WDR33: variants seen among roughly 807,000 people sequenced by gnomAD.
WDR33 encodes pre-mRNA 3' end processing protein WDR33.
WDR33 carries 47 observed loss-of-function variants against 164.9 expected under a neutral mutation model. The ratio of observed to expected loss-of-function variants is 0.29; its 90% CI spans 0.23 to 0.36. The LOEUF is 0.36. WDR33 is among the 10% of genes least tolerant of loss of function. The pLI is 1.00. For missense variants in WDR33, 1,137 were observed against 1,754.1 expected, an observed-to-expected ratio of 0.65 and a Z score of 6.28; for synonymous variants, 505 against 589.0, an observed-to-expected ratio of 0.86 and a Z score of 2.06.
intron 1 of WDR33, among the ~76,000 whole-genome samples, chr2:127,801,402 C>G (rs1371447638): frequency 6.6e-6 from 1 of 152,028 alleles, no homozygotes; most frequent in Non-Finnish European, 1.5e-5. Flanking sequence ...TGGCTCACAC[C>G]TGTAATCCTA....
rs532070686 is a variant in WDR33, at chr2:127,724,892, A to G, written c.1080T>C (p.His360=). The G allele has an allele frequency of 2.0e-5, 33 of 1,614,202 alleles. No homozygotes were observed. Among genetic ancestry groups the G allele is most frequent in the Non-Finnish European group, 2.8e-5 (33 of 1,180,024 alleles). Reference sequence around the variant, plus strand: ...TTCACATAAATCTTACATACCCAACATGCCAGAATAACAAAGAACCATCAG... The same window carrying G: ...TTCACATAAATCTTACATACCCAACGTGCCAGAATAACAAAGAACCATCAG... ...GGSDGSLLFW[H]VGVEKEVGGM... is the part of the protein sequence containing the mutation. The change falls in exon 10 of 22, where the codon CAT becomes CAC. Residue 360 remains histidine (H), a synonymous_variant. Coordinates refer to ENST00000322313, the MANE Select transcript of WDR33 (RefSeq NM_018383.5). This position sits in a 1 kb window ranked among gnomAD's most constrained non-coding sequence, Gnocchi z 4.8.
chr2:127,715,682 C>T (rs1051900747), intron 17 of WDR33, among the ~76,000 whole-genome samples: 1 of 152,188 alleles, frequency 6.6e-6, no homozygotes, highest in African/African-American at 2.4e-5. Context: ...TCAGACACAG[C>T]AGACCTTTGG....
chr2:127,764,591 G>A lies in WDR33; in HGVS notation c.626+237C>T, dbSNP rs1489100244. 2 of 1,551,948 alleles carry A rather than the reference G, an allele frequency of 1.3e-6. No homozygotes were observed. The highest frequency in any genetic ancestry group is 1.7e-6 in the Non-Finnish European group (2 of 1,147,122). ...TGAAAAGAGAAAACCAGTGCAAAAT[G>A]CGGCAGACAGTACATCTCTAACATA... On this transcript the variant is annotated intron_variant, in intron 6 of 21. Transcript: ENST00000322313. This position sits in a 1 kb window ranked among gnomAD's most constrained non-coding sequence, Gnocchi z 6.2.
intron 7 of WDR33, among the ~76,000 whole-genome samples, chr2:127,729,010 A>AATT (rs1686637649): frequency 6.6e-6 from 1 of 152,212 alleles, no homozygotes. Flanking sequence ...TGTTCTCTAA[A>AATT]ATTTATTAAA....
rs1553473221 is a variant in WDR33 at position 127,731,317 on chromosome 2, A to AAAC, written c.725-4541_725-4540insGTT. On this transcript the variant is annotated intron_variant, in intron 7 of 21. Coordinates refer to ENST00000322313, the MANE Select transcript of WDR33 (RefSeq NM_018383.5). ...CTCAAAAAAAAAAAAAAAAAAAAAA[A>AAAC]ACACAGAAAAGCAAAAATTAAATTT... Among the ~76,000 whole-genome samples, 994 of 143,560 alleles carry AAAC rather than the reference A, an allele frequency of 6.9e-3. 23 individuals are homozygous for AAAC. The highest frequency in any genetic ancestry group is 0.026 in the African/African-American group (962 of 36,486). 94.2% of individuals were successfully genotyped at this position (143,560 alleles called of 152,430 possible).
chr2:127,718,477 T>C lies in WDR33; in HGVS notation c.2760+788A>G, dbSNP rs1686348684. Reference sequence around the variant, plus strand: ...GCAGTATTACATCTATTTATGCTCATGCAATTCTTTTCGTAATTCACTCCC... The same window carrying C: ...GCAGTATTACATCTATTTATGCTCACGCAATTCTTTTCGTAATTCACTCCC... On this transcript the variant is annotated intron_variant, in intron 16 of 21. Coordinates refer to ENST00000322313, the MANE Select transcript of WDR33 (RefSeq NM_018383.5). The surrounding 1 kb of genome is among the most constrained non-coding windows in gnomAD (Gnocchi z 4.4). Among the ~76,000 whole-genome samples the C allele has an allele frequency of 1.3e-5, 2 of 152,158 alleles. No homozygotes were observed. Among genetic ancestry groups the C allele is most frequent in the African/African-American group, 4.8e-5 (2 of 41,428 alleles).
chr2:127,772,869 T>C (rs955394028), intron 1 of WDR33, among the ~76,000 whole-genome samples: 1 of 151,016 alleles, frequency 6.6e-6, no homozygotes, highest in East Asian at 1.9e-4. Flanking sequence ...ACATCTGTTA[T>C]CCCAGCACTT....
Position 127,722,776 on chromosome 2 carries a change from T to C in WDR33, c.1379-46A>G, listed in dbSNP as rs774808990. The stretch of plus-strand genomic sequence containing the variant: ...GGTTTGCCTCTTAAATAAAAGAAAT[T>C]GGCCACTTGATCAATGAACACATTA... On this transcript the variant is annotated intron_variant, in intron 13 of 21. Transcript: ENST00000322313. This position sits in a 1 kb window ranked among gnomAD's most constrained non-coding sequence, Gnocchi z 5.1. 1 of 1,595,088 alleles carries C rather than the reference T, an allele frequency of 6.3e-7. No individual in the cohort carries two copies. Among genetic ancestry groups the C allele is most frequent in the Non-Finnish European group, 8.5e-7 (1 of 1,170,716 alleles).
At chr2:127,790,962 CCT>C (rs763993440) in intron 1 of WDR33, among the ~76,000 whole-genome samples, 73 of 152,030 alleles carry the variant, frequency 4.8e-4, no homozygotes, top group Non-Finnish European at 8.8e-4. Flanking sequence ...TAATATTCCC[CCT>C]CTTTCATTCC....
intron 1 of WDR33, 190 bp downstream of exon 1, chr2:127,810,822 C>G (rs1207402013): frequency 1.3e-5 from 2 of 152,592 alleles, no homozygotes; most frequent in African/African-American, 4.8e-5. Context: ...TGGCCTCCAG[C>G]CTCCAGCCCC....
intron 7 of WDR33, among the ~76,000 whole-genome samples, chr2:127,748,448 C>G (rs926263260): frequency 6.6e-6 from 1 of 152,166 alleles, no homozygotes; most frequent in Non-Finnish European, 1.5e-5. Flanking sequence ...ACAGGGAGGG[C>G]AGCTTTGGAT....
Position 127,763,812 on chromosome 2 carries a change from GA to G in WDR33, c.627-654del. On this transcript the variant is annotated intron_variant, in intron 6 of 21. Coordinates refer to ENST00000322313, the MANE Select transcript of WDR33 (RefSeq NM_018383.5). This position sits in a 1 kb window ranked among gnomAD's most constrained non-coding sequence, Gnocchi z 4.5. ...GAAGGAGTCAGTTTTTCCCAGCAGTGAAAGATCATCAAGTTTCTCAACTAAC... is the reference window on the plus strand; with the variant it reads ...GAAGGAGTCAGTTTTTCCCAGCAGTGAAGATCATCAAGTTTCTCAACTAAC... 4 of 985,602 alleles carry G rather than the reference GA, an allele frequency of 4.1e-6. No individual in the cohort carries two copies. The highest frequency in any genetic ancestry group is 4.8e-6 in the Non-Finnish European group (4 of 830,080). 61.1% of individuals were successfully genotyped at this position (985,602 alleles called of 1,614,324 possible).
chr2:127,711,780 A>ATATATTTTTT, intron 18 of WDR33, among the ~76,000 whole-genome samples: 14 of 88,318 alleles, frequency 1.6e-4, no homozygotes, highest in African/African-American at 9.1e-4. Context: ...ATATATATAT[A>ATATATTTTTT]TTTTTTTTTT....
At position 127,709,529 on chromosome 2, in the gene WDR33, C is replaced by A; in HGVS notation, c.3526G>T (p.Gly1176Trp). The A allele has an allele frequency of 6.2e-7, 1 of 1,614,152 alleles. No homozygotes were observed. The highest frequency in any genetic ancestry group is 1.1e-5 in the South Asian group (1 of 91,084). ...TPDEFPRFEGGRKPDSWDGNR... is the reference protein window; with the variant it reads ...TPDEFPRFEGWRKPDSWDGNR... ...CCATCCCAGGAATCTGGCTTCCGCC[C>A]TCCTTCAAAGCGAGGGAACTCGTCA... is the stretch of plus-strand genomic sequence containing the variant. The change falls in exon 20 of 22, where the codon GGG (glycine) becomes TGG (tryptophan). Residue 1176 changes from glycine to tryptophan, a missense_variant. Physicochemically the swap from Gly to Trp is radical, Grantham distance 184. Transcript: ENST00000322313. The surrounding 1 kb of genome is among the most constrained non-coding windows in gnomAD (Gnocchi z 5.0).
At position 127,718,707 on chromosome 2, in the gene WDR33, C is replaced by G. The variant is rs1359966073; in HGVS notation, c.2760+558G>C. Among the ~76,000 whole-genome samples the G allele has an allele frequency of 6.6e-6, 1 of 152,178 alleles. No individual in the cohort carries two copies. The highest frequency in any genetic ancestry group is 1.5e-5 in the Non-Finnish European group (1 of 68,038). ...GTCACCATTTCCAGAATGCTCAATT[C>G]TGGAATAACAGTCTCTTTATTTCTA... On this transcript the variant is annotated intron_variant, in intron 16 of 21. Coordinates refer to ENST00000322313, the MANE Select transcript of WDR33 (RefSeq NM_018383.5). This position sits in a 1 kb window ranked among gnomAD's most constrained non-coding sequence, Gnocchi z 4.4.
In WDR33 at chr2:127,716,661, A is replaced by G. The variant is rs754353877; in HGVS notation, c.2869+494T>C. 2.2e-4 allele frequency among the ~76,000 whole-genome samples: 34 copies of G among 152,304 alleles called. No individual in the cohort carries two copies. The highest frequency in any genetic ancestry group is 4.1e-4 in the Non-Finnish European group (28 of 68,030). Reference sequence around the variant, plus strand: ...AATCATTCTCATCTCTTTCCTTTTCATATCAACAACCTGAGGAGCCACATA... The same window carrying G: ...AATCATTCTCATCTCTTTCCTTTTCGTATCAACAACCTGAGGAGCCACATA... On this transcript the variant is annotated intron_variant, in intron 17 of 21. Transcript: ENST00000322313. The surrounding 1 kb of genome is among the most constrained non-coding windows in gnomAD (Gnocchi z 4.5).
Position 127,701,509 on chromosome 2 carries a change from C to A in WDR33, c.*4814G>T. 2 of 1,288,188 alleles carry A rather than the reference C, an allele frequency of 1.6e-6. No homozygotes were observed. Among genetic ancestry groups the A allele is most frequent in the Non-Finnish European group, 2.0e-6 (2 of 1,014,146 alleles). 79.8% of individuals were successfully genotyped at this position (1,288,188 alleles called of 1,614,324 possible). A position where few individuals can be genotyped will look rare whatever the true frequency, so the allele number is the denominator to read the frequency against. On this transcript the variant is annotated 3_prime_UTR_variant, in exon 22 of 22. Transcript: ENST00000322313. ...GGAAGTGAGCCGCAGCTTTTCCTTT[C>A]TGCCACCGCCTTGTCCAAGATGGCG...
At chr2:127,759,223 T>C (rs1687607469) in intron 7 of WDR33, among the ~76,000 whole-genome samples, 1 of 152,224 alleles carries the variant, frequency 6.6e-6, no homozygotes, top group South Asian at 2.1e-4. Context: ...CAGTATATTC[T>C]ATTTCATAAA....
In WDR33 at chr2:127,701,758, TGGCGGCG is replaced by T. The variant is rs1030943861; in HGVS notation, c.*4558_*4564del. The T allele has an allele frequency of 7.6e-5, 108 of 1,422,318 alleles. No homozygotes were observed. The highest frequency in any genetic ancestry group is 2.5e-4 in the Middle Eastern group (1 of 4,002). The allele number at this position is 1,422,318 out of a possible 1,614,324, so 88.1% of individuals were successfully genotyped here. On this transcript the variant is annotated 3_prime_UTR_variant, in exon 22 of 22. Transcript: ENST00000322313. ...CCGAGCGTGACGCGCGGGCAGCGGC[TGGCGGCG>T]GGCGGCGGGTGCCTGCTGCTGGCTG...
Sources: allele counts gnomAD v4.1 joint callset (sites outside exome capture counted in the v4.1 genomes callset), GRCh38; gene constraint gnomAD v4.1.1; non-coding constraint Gnocchi (gnomAD v3.1); transcripts MANE v1.5; gene names NCBI Gene and HGNC (gene_info 2026-07-23, HGNC 2026-07-21).